The following UGT3A2 variants were observed in gnomAD, a reference collection of about 807,000 sequenced individuals.
UGT3A2 encodes UDP-glycosyltransferase 3A2.
A neutral mutation model predicts 39.8 loss-of-function variants in UGT3A2; 32 were observed. That is an observed-to-expected ratio of 0.80 (90% CI 0.61 to 1.08). The LOEUF (loss-of-function observed/expected upper bound fraction) is 1.08. UGT3A2 is among the 50% of genes least tolerant of loss of function. The pLI, the probability that UGT3A2 is intolerant of heterozygous loss-of-function variation, is 0.00. For synonymous variants in UGT3A2, 241 were observed against 230.7 expected (o/e 1.04, Z -0.40); for missense variants, 611 against 637.1 (o/e 0.96, Z 0.44).
In UGT3A2 at chr5:36,049,177, TG is replaced by T. The variant is rs1561492992; in HGVS notation, c.554del (p.Pro185GlnfsTer7). The T allele has an allele frequency of 6.2e-7, 1 of 1,614,230 alleles. No individual in the cohort carries two copies. Among genetic ancestry groups the T allele is most frequent in the Non-Finnish European group, 8.5e-7 (1 of 1,180,054 alleles). On this transcript the variant is annotated frameshift_variant, in exon 4 of 7. Transcript: ENST00000282507. LOFTEE classifies it high-confidence loss of function. ...GATCAGTCAGCAAGGAACGGAATAC[TG>T]GAACATAAGACAAGGGGATTGGTAG... ...FGLPIPLSYVPVFRSLLTDHM... is the reference protein window; with the variant it reads ...FGLPIPLSYVXVFRSLLTDHM...
intron 4 of UGT3A2, among the ~76,000 whole-genome samples, chr5:36,047,153 T>A (rs998083128): frequency 6.6e-6 from 1 of 152,244 alleles, no homozygotes; most frequent in African/African-American, 2.4e-5. Context: ...TGTCTACCTA[T>A]GACCTAGAAT....
chr5:36,045,002 C>T (rs1460584841), intron 4 of UGT3A2, among the ~76,000 whole-genome samples: 1 of 152,074 alleles, frequency 6.6e-6, no homozygotes, highest in Non-Finnish European at 1.5e-5. Flanking sequence ...TTATATGGAA[C>T]CACAAAAGAC....
intron 4 of UGT3A2, among the ~76,000 whole-genome samples, chr5:36,046,623 G>A (rs1742174683): frequency 6.6e-6 from 1 of 152,186 alleles, no homozygotes; most frequent in Non-Finnish European, 1.5e-5. Context: ...GTAGTTAGGG[G>A]CTGGGGGAGT....
chr5:36,051,377 T>C (rs1239606843), intron 3 of UGT3A2, among the ~76,000 whole-genome samples: 1 of 152,210 alleles, frequency 6.6e-6, no homozygotes. Context: ...GGCTATATGT[T>C]CAACTTCTAC....
At chr5:36,042,621 T>A (rs576986172) in intron 4 of UGT3A2, among the ~76,000 whole-genome samples, 2 of 151,960 alleles carry the variant, frequency 1.3e-5, no homozygotes, top group East Asian at 3.9e-4. Flanking sequence ...AAAAGAGACT[T>A]AACATGTTGC....
chr5:36,049,505 T>C (rs1456682713), intron 3 of UGT3A2, 85 bp from the exon 4 acceptor site: 4 of 1,116,200 alleles, frequency 3.6e-6, no homozygotes, highest in Non-Finnish European at 5.0e-6. Context: ...AAAGAAAATA[T>C]CCCAGGAAAG....
intron 5 of UGT3A2, among the ~76,000 whole-genome samples, chr5:36,038,536 G>T (rs1191166860): frequency 6.6e-6 from 1 of 152,190 alleles, no homozygotes; most frequent in Non-Finnish European, 1.5e-5. Context: ...TAAGAGAAGT[G>T]CCTTGAAAGT....
At chr5:36,058,277 G>A (rs76767487) in intron 2 of UGT3A2, among the ~76,000 whole-genome samples, 10,209 of 152,144 alleles carry the variant, frequency 0.067, 1,222 homozygotes, top group African/African-American at 0.24. Context: ...GACACAAAAG[G>A]ACAAATATTG....
intron 4 of UGT3A2, among the ~76,000 whole-genome samples, chr5:36,048,250 C>T (rs1328230572): frequency 1.3e-5 from 2 of 152,220 alleles, no homozygotes; most frequent in African/African-American, 4.8e-5. Flanking sequence ...CTTAGCTCTC[C>T]TCCTTTTGAA....
intron 1 of UGT3A2, 120 bp downstream of exon 1, chr5:36,066,576 T>C: frequency 6.5e-7 from 1 of 1,549,948 alleles, no homozygotes; most frequent in South Asian, 1.2e-5. Context: ...TCCAGCCGGG[T>C]CCGCAAGCCC....
At chr5:36,060,831 A>G (rs1047262699) in intron 2 of UGT3A2, among the ~76,000 whole-genome samples, 1 of 152,086 alleles carries the variant, frequency 6.6e-6, no homozygotes, top group Non-Finnish European at 1.5e-5. Flanking sequence ...TCCTACAACA[A>G]TGTGAATGTC....
rs192059601 is a variant in UGT3A2 at position 36,054,533 on chromosome 5, T to C, written c.197-2549A>G. On this transcript the variant is annotated intron_variant, in intron 2 of 6. Coordinates refer to ENST00000282507, the MANE Select transcript of UGT3A2 (RefSeq NM_174914.4). ...TCATCCAAATAATCTACATCAAGTG[T>C]GGGTGAGAGTCTGGGTGTAATCCAT... 3.6e-3 allele frequency among the ~76,000 whole-genome samples: 550 copies of C among 152,248 alleles called. 1 individual carries two copies. The highest frequency in any genetic ancestry group is 5.7e-3 in the Non-Finnish European group (388 of 68,016).
rs934081019 is a variant in UGT3A2, at chr5:36,066,853, C to A, written c.-64G>T. On this transcript the variant is annotated 5_prime_UTR_variant, in exon 1 of 7. Coordinates refer to ENST00000282507, the MANE Select transcript of UGT3A2 (RefSeq NM_174914.4). ...GCGCGCCCTGCGCCCGGCTAAGGGACCCTGTGCACCTCAGTGCGCCAAAGG... is the reference window on the plus strand; with the variant it reads ...GCGCGCCCTGCGCCCGGCTAAGGGAACCTGTGCACCTCAGTGCGCCAAAGG... 1.3e-6 allele frequency: 2 copies of A among 1,592,184 alleles called. No homozygotes were observed. Among genetic ancestry groups the A allele is most frequent in the East Asian group, 4.5e-5 (2 of 44,742 alleles).
At chr5:36,059,577 T>C (rs1250585094) in intron 2 of UGT3A2, among the ~76,000 whole-genome samples, 1 of 152,106 alleles carries the variant, frequency 6.6e-6, no homozygotes, top group Admixed American at 6.5e-5. Context: ...CTGTGAGATG[T>C]GCAGAGGACT....
intron 6 of UGT3A2, among the ~76,000 whole-genome samples, chr5:36,037,469 G>A (rs1741866380): frequency 6.6e-6 from 1 of 152,076 alleles, no homozygotes; most frequent in Admixed American, 6.5e-5. Context: ...GTAACAGAAA[G>A]GCAATCTCCT....
At chr5:36,064,385 T>G (rs1390542149) in intron 1 of UGT3A2, 35 bp from the exon 2 acceptor site, 8 of 1,566,036 alleles carry the variant, frequency 5.1e-6, no homozygotes, top group Non-Finnish European at 7.0e-6. Flanking sequence ...TCTGGAATGA[T>G]GAGAATACAG....
chr5:36,051,723 A>AATCCATCC (rs869118466), intron 3 of UGT3A2, 147 bp downstream of exon 3: 7 of 646,406 alleles, frequency 1.1e-5, no homozygotes, highest in African/African-American at 2.0e-5. Context: ...TCCATCTATC[A>AATCCATCC]ATCCATCCAT....
At chr5:36,050,043 G>A (rs973521731) in intron 3 of UGT3A2, among the ~76,000 whole-genome samples, 8 of 151,036 alleles carry the variant, frequency 5.3e-5, no homozygotes, top group Non-Finnish European at 7.4e-5. Context: ...TTTTTGAAAC[G>A]CATTATTTTT....
At position 36,038,189 on chromosome 5, in the gene UGT3A2, C is replaced by T. The variant is rs189000931; in HGVS notation, c.1076-173G>A. On this transcript the variant is annotated intron_variant, in intron 5 of 6. Coordinates refer to ENST00000282507, the MANE Select transcript of UGT3A2 (RefSeq NM_174914.4). Reference sequence around the variant, plus strand: ...TGTTACAGTTCCAAGATACAAGATTCCAAGCGTTGCTATCGTATGGAAACA... The same window carrying T: ...TGTTACAGTTCCAAGATACAAGATTTCAAGCGTTGCTATCGTATGGAAACA... Among the ~76,000 whole-genome samples, 20 of 152,284 alleles carry T rather than the reference C, an allele frequency of 1.3e-4. No individual in the cohort carries two copies. The East Asian group carries it at 2.1e-3, about 16-fold the overall frequency.
Sources: gnomAD v4.1 joint callset for allele counts (sites outside exome capture counted in the v4.1 genomes callset) on GRCh38, gnomAD v4.1.1 for gene constraint, MANE v1.5 for transcripts, NCBI Gene and HGNC (gene_info 2026-07-23, HGNC 2026-07-21) for gene names.